MEGF9: variants seen among roughly 807,000 people sequenced by gnomAD.
MEGF9 encodes the protein multiple epidermal growth factor-like domains protein 9.
Under a neutral mutation model 46.8 loss-of-function variants are expected in MEGF9, and 6 were observed. That is an observed-to-expected ratio of 0.13 (90% CI 0.07 to 0.25). The LOEUF (loss-of-function observed/expected upper bound fraction) is 0.25, where lower values mean the gene tolerates loss of function less well. MEGF9 is among the 10% of genes least tolerant of loss of function. MEGF9 has a pLI of 1.00. For missense variants in MEGF9, 683 were observed against 792.4 expected (o/e 0.86, Z 1.66); for synonymous variants, 302 against 330.7 (o/e 0.91, Z 0.94).
chr9:120,634,572 C>A (rs865961769), intron 2 of MEGF9, among the ~76,000 whole-genome samples: 1 of 132,284 alleles, frequency 7.6e-6, no homozygotes, highest in African/African-American at 3.8e-5. Flanking sequence ...TCTCCTGCCT[C>A]AGGAATATCT....
At chr9:120,644,128 T>C (rs147124150) in intron 2 of MEGF9, among the ~76,000 whole-genome samples, 45 of 152,334 alleles carry the variant, frequency 3.0e-4, no homozygotes, top group Admixed American at 1.7e-3. Context: ...GTATCCATTT[T>C]TTCGGTTCCA....
rs948930302 is a variant in MEGF9, at chr9:120,667,192, G to A, written c.602-7617C>T. ...TATTTCAACTGAACTTGGCACTAACGTCCACAGGGGACCCAACTAATGATT... is the reference window on the plus strand; with the variant it reads ...TATTTCAACTGAACTTGGCACTAACATCCACAGGGGACCCAACTAATGATT... On this transcript the variant is annotated intron_variant, in intron 1 of 5. Transcript: ENST00000373930. Among the ~76,000 whole-genome samples, 10 of 152,200 alleles carry A rather than the reference G, an allele frequency of 6.6e-5. No homozygotes were observed. In the East Asian group the frequency reaches 9.7e-4, roughly 15 times the overall value.
chr9:120,713,632 C>A, intron 1 of MEGF9, 126 bp downstream of exon 1: 3 of 1,212,644 alleles, frequency 2.5e-6, no homozygotes, highest in Non-Finnish European at 3.1e-6. Context: ...TGGGATCCCC[C>A]CTCGGGAGCC....
At chr9:120,633,052 T>C (rs1011595282) in intron 2 of MEGF9, among the ~76,000 whole-genome samples, 1 of 152,194 alleles carries the variant, frequency 6.6e-6, no homozygotes, top group Non-Finnish European at 1.5e-5. Flanking sequence ...TGTAGTTTTC[T>C]TTTTTGTGTT....
rs28406621 is a variant in MEGF9 at position 120,697,239 on chromosome 9, T to C, written c.601+16519A>G. On this transcript the variant is annotated intron_variant, in intron 1 of 5. Coordinates refer to ENST00000373930, the MANE Select transcript of MEGF9 (RefSeq NM_001080497.3). Reference sequence around the variant, plus strand: ...CTGGGAATACAGGCACAAGCCATTATACCCAGCTAGTTTTTGCATTTTTTG... The same window carrying C: ...CTGGGAATACAGGCACAAGCCATTACACCCAGCTAGTTTTTGCATTTTTTG... Among the ~76,000 whole-genome samples the C allele has an allele frequency of 6.0e-3, 911 of 152,306 alleles. 6 individuals carry two copies. The highest frequency in any genetic ancestry group is 0.021 in the African/African-American group (856 of 41,558).
intron 2 of MEGF9, among the ~76,000 whole-genome samples, chr9:120,635,990 A>AGTGCC (rs2043572506): frequency 6.6e-6 from 1 of 152,142 alleles, no homozygotes; most frequent in Non-Finnish European, 1.5e-5. Flanking sequence ...GCTGGAGTAC[A>AGTGCC]GTGGCATGAT....
At chr9:120,611,242 A>T (rs2043443493) in intron 4 of MEGF9, among the ~76,000 whole-genome samples, 1 of 152,218 alleles carries the variant, frequency 6.6e-6, no homozygotes, top group African/African-American at 2.4e-5. Flanking sequence ...TTCCACTCCT[A>T]GGTATACACT....
chr9:120,669,134 C>T (rs2043737900), intron 1 of MEGF9, among the ~76,000 whole-genome samples: 1 of 151,796 alleles, frequency 6.6e-6, no homozygotes, highest in African/African-American at 2.4e-5. Context: ...TTTAATTGAC[C>T]CACTGGTATA....
intron 1 of MEGF9, among the ~76,000 whole-genome samples, chr9:120,684,680 C>T (rs73537817): frequency 0.016 from 2,418 of 152,278 alleles, 63 homozygotes; most frequent in African/African-American, 0.055. Flanking sequence ...ATCCCTCTTC[C>T]AACACCACTG....
intron 2 of MEGF9, among the ~76,000 whole-genome samples, chr9:120,634,027 T>C (rs1394777499): frequency 1.3e-5 from 2 of 152,234 alleles, no homozygotes; most frequent in Non-Finnish European, 2.9e-5. Context: ...GAGAATGTTC[T>C]ATGTGCTATT....
chr9:120,708,240 C>T (rs1169095397), intron 1 of MEGF9, among the ~76,000 whole-genome samples: 1 of 152,104 alleles, frequency 6.6e-6, no homozygotes, highest in Admixed American at 6.6e-5. Flanking sequence ...CGGCATGCGC[C>T]TGTAGTCCCA....
At chr9:120,634,446 CTTTTT>C (rs1158273579) in intron 2 of MEGF9, among the ~76,000 whole-genome samples, 8 of 46,902 alleles carry the variant, frequency 1.7e-4, no homozygotes, top group Admixed American at 1.0e-3. Flanking sequence ...TGTGGAATAT[CTTTTT>C]TTTTTTTTTT....
At position 120,714,065 on chromosome 9, in the gene MEGF9, C is replaced by A; in HGVS notation, c.294G>T (p.Gln98His). Residue 98 changes from glutamine to histidine, a missense_variant, in exon 1 of 6, where the codon CAG becomes CAT. Physicochemically the swap from Gln to His is conservative, Grantham distance 24. This residue lies in a region of MEGF9 where 370 missense variants were observed against 371.3 expected (regional missense o/e 1.00). Coordinates refer to ENST00000373930, the MANE Select transcript of MEGF9 (RefSeq NM_001080497.3). Reference sequence around the variant, plus strand: ...CCCAAAGAGGGGTGGTCTCCGGGGACTGGGCTGGAGAAGTCGCAGCCAGGG... The same window carrying A: ...CCCAAAGAGGGGTGGTCTCCGGGGAATGGGCTGGAGAAGTCGCAGCCAGGG... ...HRPLAATSPA[Q>H]SPETTPLWAT... 2 of 1,290,794 alleles carry A rather than the reference C, an allele frequency of 1.5e-6. No homozygotes were observed. The highest frequency in any genetic ancestry group is 3.7e-5 in the Admixed American group (1 of 27,234). 80.0% of individuals were successfully genotyped at this position (1,290,794 alleles called of 1,614,324 possible).
chr9:120,621,575 C>T (rs1195833614), intron 3 of MEGF9, among the ~76,000 whole-genome samples: 3 of 151,960 alleles, frequency 2.0e-5, no homozygotes, highest in African/African-American at 7.3e-5. Context: ...TCTGATTTTC[C>T]CTTTATTGTA....
At chr9:120,643,031 T>C (rs1419410089) in intron 2 of MEGF9, among the ~76,000 whole-genome samples, 1 of 152,230 alleles carries the variant, frequency 6.6e-6, no homozygotes, top group Non-Finnish European at 1.5e-5. Flanking sequence ...ACTAGTCCTA[T>C]ATACTATGTC....
At chr9:120,691,678 C>G (rs1419299348) in intron 1 of MEGF9, among the ~76,000 whole-genome samples, 1 of 152,150 alleles carries the variant, frequency 6.6e-6, no homozygotes, top group African/African-American at 2.4e-5. Context: ...AAGTGCTTTA[C>G]CAACATCATC....
At chr9:120,706,690 C>G (rs2043930619) in intron 1 of MEGF9, among the ~76,000 whole-genome samples, 1 of 152,118 alleles carries the variant, frequency 6.6e-6, no homozygotes. Flanking sequence ...CAAAAACTAG[C>G]TAGGCGTGGT....
intron 1 of MEGF9, among the ~76,000 whole-genome samples, chr9:120,686,895 C>T (rs535979205): frequency 2.0e-4 from 30 of 152,116 alleles, no homozygotes; most frequent in African/African-American, 7.2e-4. Flanking sequence ...CAATGGTAAA[C>T]AGAGTAACTA....
chr9:120,636,863 C>G (rs1005798380), intron 2 of MEGF9, among the ~76,000 whole-genome samples: 5 of 146,358 alleles, frequency 3.4e-5, no homozygotes, highest in Non-Finnish European at 6.1e-5. Context: ...GGTGGGGGGG[C>G]CCCTCTGCCC....
Sources: gnomAD v4.1 joint callset for allele counts (sites outside exome capture counted in the v4.1 genomes callset) on GRCh38, gnomAD v4.1.1 for gene constraint, gnomAD v4.1.1 regional missense constraint, MANE v1.5 for transcripts, NCBI Gene and HGNC (gene_info 2026-07-23, HGNC 2026-07-21) for gene names.